Variants in RBAK observed in about 807,000 individuals in gnomAD.
RBAK encodes RB-associated KRAB zinc finger protein.
RBAK carries 39 observed loss-of-function variants against 65.8 expected under a neutral mutation model. The ratio of observed to expected loss-of-function variants is 0.59; its 90% CI spans 0.46 to 0.77. The LOEUF (loss-of-function observed/expected upper bound fraction) is 0.77, where lower values mean the gene tolerates loss of function less well. Among genes scored for constraint, RBAK ranks in the 30% least tolerant of loss-of-function variants. The pLI, the probability that RBAK is intolerant of heterozygous loss-of-function variation, is 0.00. For missense variants in RBAK, 884 were observed against 855.1 expected (o/e 1.03, Z -0.42); for synonymous variants, 343 against 289.7 (o/e 1.18, Z -1.87).
chr7:5,065,745 A>G lies in RBAK; in HGVS notation c.*144A>G. The G allele has an allele frequency of 1.9e-6, 1 of 535,656 alleles. No homozygotes were observed. Among genetic ancestry groups the G allele is most frequent in the East Asian group, 3.2e-5 (1 of 31,216 alleles). The allele number at this position is 535,656 out of a possible 1,614,324, so 33.2% of individuals were successfully genotyped here. A position where few individuals can be genotyped will look rare whatever the true frequency, so the allele number is the denominator to read the frequency against. Reference sequence around the variant, plus strand: ...TAGAGTCATTTTAATCCAAATTTTCACAGAGAAGAATCCCGAAGAATGTAA... The same window carrying G: ...TAGAGTCATTTTAATCCAAATTTTCGCAGAGAAGAATCCCGAAGAATGTAA... On this transcript the variant is annotated 3_prime_UTR_variant, in exon 5 of 5. Coordinates refer to ENST00000396912, the MANE Select transcript of RBAK (RefSeq NM_021163.4). This position sits in a 1 kb window ranked among gnomAD's most constrained non-coding sequence, Gnocchi z 5.3.
rs775119622 is a variant in RBAK at position 5,057,709 on chromosome 7, C to A, written c.168C>A (p.Val56=). Residue 56 remains valine, a synonymous_variant, in exon 4 of 5, where the codon GTC becomes GTA. Coordinates refer to ENST00000396912, the MANE Select transcript of RBAK (RefSeq NM_021163.4). ...SVGYDTTKPN[V]IIKLEQGEEP... ...GATATGATACCACCAAGCCAAACGT[C>A]ATCATTAAGTTGGAGCAGGGAGAGG... 1.9e-6 allele frequency: 3 copies of A among 1,613,894 alleles called. No homozygotes were observed. Among genetic ancestry groups the A allele is most frequent in the Non-Finnish European group, 2.5e-6 (3 of 1,179,848 alleles).
At chr7:5,062,273 A>G (rs1779093850) in intron 4 of RBAK, among the ~76,000 whole-genome samples, 1 of 152,062 alleles carries the variant, frequency 6.6e-6, no homozygotes, top group Admixed American at 6.6e-5. Flanking sequence ...TATTTTCCCT[A>G]AGCATCGGCT....
chr7:5,064,370 C>T lies in RBAK; in HGVS notation c.914C>T (p.Thr305Ile), dbSNP rs750493824. 3 of 1,613,834 alleles carry T rather than the reference C, an allele frequency of 1.9e-6. No individual in the cohort carries two copies. The highest frequency in any genetic ancestry group is 2.2e-5 in the South Asian group (2 of 91,058). ...GKSFSQKGTL[T>I]VHRRSHLEEK... ...TCCTTCAGCCAAAAGGGAACCCTCA[C>T]TGTACATCGGAGATCACACTTAGAG... The change falls in exon 5 of 5, where the codon ACT becomes ATT. Residue 305 changes from threonine (T) to isoleucine (I), a missense_variant. Physicochemically the swap from Thr to Ile is moderately conservative, Grantham distance 89 (BLOSUM62 -1). Coordinates refer to ENST00000396912, the MANE Select transcript of RBAK (RefSeq NM_021163.4). The surrounding 1 kb of genome is among the most constrained non-coding windows in gnomAD (Gnocchi z 6.3).
rs1172649783 is a variant in RBAK at position 5,063,365 on chromosome 7, C to T, written c.239-330C>T. ...CTCTGCTCATCATTTGGTTTTATTT[C>T]ACCTTTTCTACCAAAGTTTGAAACA... is the stretch of plus-strand genomic sequence containing the variant. On this transcript the variant is annotated intron_variant, in intron 4 of 4. Coordinates refer to ENST00000396912, the MANE Select transcript of RBAK (RefSeq NM_021163.4). 6.6e-5 allele frequency among the ~76,000 whole-genome samples: 10 copies of T among 152,126 alleles called. No homozygotes were observed. In the East Asian group the frequency reaches 1.9e-3, roughly 29 times the overall value.
chr7:5,065,612 C>T lies in RBAK; in HGVS notation c.*11C>T. 3 of 1,477,364 alleles carry T rather than the reference C, an allele frequency of 2.0e-6. No homozygotes were observed. The highest frequency in any genetic ancestry group is 2.7e-6 in the Non-Finnish European group (3 of 1,107,362). The allele number at this position is 1,477,364 out of a possible 1,614,324, so 91.5% of individuals were successfully genotyped here. A position where few individuals can be genotyped will look rare whatever the true frequency, so the allele number is the denominator to read the frequency against. On this transcript the variant is annotated 3_prime_UTR_variant, in exon 5 of 5. Transcript: ENST00000396912. This position sits in a 1 kb window ranked among gnomAD's most constrained non-coding sequence, Gnocchi z 5.3. ...GTGGAAAATCTCTGAAGTCAGATCT[C>T]AATTTTTAGAAAACTCTCTGAATAT...
chr7:5,067,846 A>G lies in RBAK; in HGVS notation c.*2245A>G, dbSNP rs185181317. On this transcript the variant is annotated 3_prime_UTR_variant, in exon 5 of 5. Coordinates refer to ENST00000396912, the MANE Select transcript of RBAK (RefSeq NM_021163.4). ...TAGTGGGGGAAAGGGTGTTCTTTCC[A>G]GTAAATGTACTTTGCCAATAAAATT... 7.2e-5 allele frequency: 11 copies of G among 152,332 alleles called. No individual in the cohort carries two copies. Among genetic ancestry groups the G allele is most frequent in the African/African-American group, 9.6e-5 (4 of 41,572 alleles). 9.4% of individuals were successfully genotyped at this position (152,332 alleles called of 1,614,324 possible). A position where few individuals can be genotyped will look rare whatever the true frequency, so the allele number is the denominator to read the frequency against.
chr7:5,062,712 C>T (rs1435628962), intron 4 of RBAK, among the ~76,000 whole-genome samples: 5 of 152,146 alleles, frequency 3.3e-5, no homozygotes, highest in African/African-American at 7.2e-5. Context: ...CTTACAGTCT[C>T]GACCATAGAC....
At chr7:5,054,982 A>G (rs1398875579) in intron 2 of RBAK, among the ~76,000 whole-genome samples, 2 of 151,462 alleles carry the variant, frequency 1.3e-5, no homozygotes, top group African/African-American at 4.9e-5. Context: ...GGGTTTCACC[A>G]TGTTGACCAG....
At chr7:5,054,337 G>A (rs1164132153) in intron 2 of RBAK, among the ~76,000 whole-genome samples, 13 of 151,556 alleles carry the variant, frequency 8.6e-5, no homozygotes, top group African/African-American at 2.7e-4. Flanking sequence ...CCCGGGAGAC[G>A]GAGGTTGCAG....
rs147190676 is a variant in RBAK at position 5,064,872 on chromosome 7, C to T, written c.1416C>T (p.Phe472=). Residue 472 remains phenylalanine, a synonymous_variant, in exon 5 of 5, where the codon TTC becomes TTT. Transcript: ENST00000396912. The surrounding 1 kb of genome is among the most constrained non-coding windows in gnomAD (Gnocchi z 6.3). ...CGKTFNLNSA[F]IRHRKVHTEE... Reference sequence around the variant, plus strand: ...AAACCTTCAATTTAAATTCAGCCTTCATTAGACATCGGAAAGTACACACAG... The same window carrying T: ...AAACCTTCAATTTAAATTCAGCCTTTATTAGACATCGGAAAGTACACACAG... 32 of 1,613,790 alleles carry T rather than the reference C, an allele frequency of 2.0e-5. No individual in the cohort carries two copies. In the African/African-American group the frequency reaches 4.3e-4, roughly 22 times the overall value.
At chr7:5,060,865 G>A (rs538678817) in intron 4 of RBAK, among the ~76,000 whole-genome samples, 15 of 152,262 alleles carry the variant, frequency 9.9e-5, no homozygotes, top group African/African-American at 3.6e-4. Context: ...GTACCATCAG[G>A]GTTGCATTGA....
rs1332730405 is a variant in RBAK at position 5,048,810 on chromosome 7, A to G, written c.15+719A>G. 6.6e-6 allele frequency among the ~76,000 whole-genome samples: 1 copy of G among 152,202 alleles called. No individual in the cohort carries two copies. Among genetic ancestry groups the G allele is most frequent in the Non-Finnish European group, 1.5e-5 (1 of 68,042 alleles). ...TCAGGAAACTTACAGTCATGGTGGAAGGCAAAGGGAAAGCGGGTACATCTT... is the reference window on the plus strand; with the variant it reads ...TCAGGAAACTTACAGTCATGGTGGAGGGCAAAGGGAAAGCGGGTACATCTT... On this transcript the variant is annotated intron_variant, in intron 2 of 4. Transcript: ENST00000396912. This position sits in a 1 kb window ranked among gnomAD's most constrained non-coding sequence, Gnocchi z 4.4.
intron 2 of RBAK, among the ~76,000 whole-genome samples, chr7:5,049,291 A>AT (rs1349912735): frequency 6.6e-6 from 1 of 152,186 alleles, no homozygotes; most frequent in African/African-American, 2.4e-5. Flanking sequence ...GGAAGGAAAC[A>AT]TTGTGATCCC....
Position 5,063,607 on chromosome 7 carries a change from C to A in RBAK, c.239-88C>A, listed in dbSNP as rs900435591. 5 of 1,059,214 alleles carry A rather than the reference C, an allele frequency of 4.7e-6. No homozygotes were observed. In the African/African-American group the frequency reaches 4.8e-5, roughly 10 times the overall value. The allele number at this position is 1,059,214 out of a possible 1,614,324, so 65.6% of individuals were successfully genotyped here. A position where few individuals can be genotyped will look rare whatever the true frequency, so the allele number is the denominator to read the frequency against. ...GATTGGCTCTAAAGCCAGAGTCAAC[C>A]CCACAATGGGGGCTCTTGAATACCA... On this transcript the variant is annotated intron_variant, in intron 4 of 4. Transcript: ENST00000396912.
In RBAK at chr7:5,046,270, C is replaced by T. The variant is rs1247363983; in HGVS notation, c.-171C>T. 1 of 516,288 alleles carries T rather than the reference C, an allele frequency of 1.9e-6. No individual in the cohort carries two copies. Among genetic ancestry groups the T allele is most frequent in the Admixed American group, 1.9e-5 (1 of 51,468 alleles). The allele number at this position is 516,288 out of a possible 1,614,324, so 32.0% of individuals were successfully genotyped here. On this transcript the variant is annotated 5_prime_UTR_variant, in exon 1 of 5. Coordinates refer to ENST00000396912, the MANE Select transcript of RBAK (RefSeq NM_021163.4). ...TGCCCCTTAGGCCCGGCCCGGGCCC[C>T]TCGGGAGCAGAACAACCTTAGTGAG... is the stretch of plus-strand genomic sequence containing the variant.
Position 5,048,597 on chromosome 7 carries a change from C to A in RBAK, c.15+506C>A, listed in dbSNP as rs1421287772. 6.6e-6 allele frequency among the ~76,000 whole-genome samples: 1 copy of A among 152,192 alleles called. No homozygotes were observed. The highest frequency in any genetic ancestry group is 2.4e-5 in the African/African-American group (1 of 41,450). Reference sequence around the variant, plus strand: ...TATGTGTGGATAGTAGATTTTAAGGCTGTTGAAATTGAGCCGCACCCAGGA... The same window carrying A: ...TATGTGTGGATAGTAGATTTTAAGGATGTTGAAATTGAGCCGCACCCAGGA... On this transcript the variant is annotated intron_variant, in intron 2 of 4. Transcript: ENST00000396912. The surrounding 1 kb of genome is among the most constrained non-coding windows in gnomAD (Gnocchi z 4.4).
Position 5,065,222 on chromosome 7 carries a change from A to T in RBAK, c.1766A>T (p.His589Leu). ...TCCCTCTTCAGACATCAAAGAGTAC[A>T]CACAGGCGAGAAACCCTATGAATGT... ...NSSLFRHQRV[H>L]TGEKPYECYE... Residue 589 changes from histidine (H) to leucine (L), a missense_variant, in exon 5 of 5, where the codon CAC (histidine) becomes CTC (leucine). His to Leu is a moderately conservative substitution (Grantham distance 99, BLOSUM62 -3). Coordinates refer to ENST00000396912, the MANE Select transcript of RBAK (RefSeq NM_021163.4). This position sits in a 1 kb window ranked among gnomAD's most constrained non-coding sequence, Gnocchi z 5.3. 6.2e-7 allele frequency: 1 copy of T among 1,613,876 alleles called. No individual in the cohort carries two copies. The highest frequency in any genetic ancestry group is 1.6e-4 in the Middle Eastern group (1 of 6,062).
chr7:5,050,087 TTGG>T, intron 2 of RBAK, among the ~76,000 whole-genome samples: 1 of 152,182 alleles, frequency 6.6e-6, no homozygotes, highest in African/African-American at 2.4e-5. Flanking sequence ...TCCTTTCACT[TTGG>T]CCTCCCAAAG....
rs774018944 is a variant in RBAK, at chr7:5,065,230, G to A, written c.1774G>A (p.Glu592Lys). The A allele has an allele frequency of 1.9e-5, 30 of 1,613,676 alleles. No homozygotes were observed. The highest frequency in any genetic ancestry group is 2.7e-5 in the African/African-American group (2 of 74,884). ...CAGACATCAAAGAGTACACACAGGC[G>A]AGAAACCCTATGAATGTTACGAATG... Reference protein sequence around the residue: ...LFRHQRVHTGEKPYECYECGK... With the variant: ...LFRHQRVHTGKKPYECYECGK... The change falls in exon 5 of 5, where the codon GAG (glutamate) becomes AAG (lysine). Residue 592 changes from glutamate (E) to lysine (K), a missense_variant. Physicochemically the swap from Glu to Lys is moderately conservative, Grantham distance 56. Coordinates refer to ENST00000396912, the MANE Select transcript of RBAK (RefSeq NM_021163.4). This position sits in a 1 kb window ranked among gnomAD's most constrained non-coding sequence, Gnocchi z 5.3.
Sources: gnomAD v4.1 joint callset for allele counts (sites outside exome capture counted in the v4.1 genomes callset) on GRCh38, gnomAD v4.1.1 for gene constraint, Gnocchi (gnomAD v3.1) non-coding constraint, MANE v1.5 for transcripts, NCBI Gene and HGNC (gene_info 2026-07-23, HGNC 2026-07-21) for gene names.